ALG9: variants seen among roughly 807,000 people sequenced by gnomAD.
The protein encoded by ALG9 is alpha-1,2-mannosyltransferase ALG9.
ALG9 carries 55 observed loss-of-function variants against 81.8 expected under a neutral mutation model. The ratio of observed to expected loss-of-function variants is 0.67; its 90% confidence interval spans 0.54 to 0.84. ALG9 has a LOEUF of 0.84. ALG9 is among the 40% of genes least tolerant of loss of function. The pLI, the probability that ALG9 is intolerant of heterozygous loss-of-function variation, is 0.00. For missense variants in ALG9, 629 were observed against 745.0 expected, an observed-to-expected ratio of 0.84 and a Z score of 1.81; for synonymous variants, 278 against 274.3, an observed-to-expected ratio of 1.01 and a Z score of -0.13.
chr11:111,812,915 C>CAAAAAAAAAAAAA (rs57311061), intron 13 of ALG9, among the ~76,000 whole-genome samples: 4 of 98,768 alleles, frequency 4.0e-5, no homozygotes, highest in Admixed American at 1.1e-4. Context: ...GACTCTGTCT[C>CAAAAAAAAAAAAA]AAAAAAAAAA....
chr11:111,780,980 G>C (rs1945901538), downstream of ALG9, among the ~76,000 whole-genome samples: 1 of 152,140 alleles, frequency 6.6e-6, no homozygotes, highest in African/African-American at 2.4e-5. Flanking sequence ...GCTCAGAAAA[G>C]AATGTAATCA....
chr11:111,822,947 C>T (rs1324672439), intron 13 of ALG9, among the ~76,000 whole-genome samples: 1 of 152,062 alleles, frequency 6.6e-6, no homozygotes, highest in Non-Finnish European at 1.5e-5. Context: ...TCGCTTGAAC[C>T]CGGGAGGCGG....
intron 14 of ALG9, among the ~76,000 whole-genome samples, chr11:111,792,613 C>G (rs1316311802): frequency 6.6e-6 from 1 of 152,186 alleles, no homozygotes; most frequent in East Asian, 1.9e-4. Context: ...AAGAAACATC[C>G]TGATTTGCCA....
rs188040526 is a variant in ALG9 at position 111,836,666 on chromosome 11, C to T, written c.1473-372G>A. On this transcript the variant is annotated intron_variant, in intron 12 of 14. Transcript: ENST00000616540. ...AAAAAGAATGAAATGTAATATATGG[C>T]ACTGAGAACACACTATGGGAGAAAT... is the stretch of plus-strand genomic sequence containing the variant. 60 of 303,266 alleles carry T rather than the reference C, an allele frequency of 2.0e-4. 1 individual carries two copies. The East Asian group carries it at 4.6e-3, about 23-fold the overall frequency. The allele number at this position is 303,266 out of a possible 1,614,324, so 18.8% of individuals were successfully genotyped here. A position where few individuals can be genotyped will look rare whatever the true frequency, so the allele number is the denominator to read the frequency against.
At chr11:111,861,818 T>C (rs1435527969) in intron 4 of ALG9, among the ~76,000 whole-genome samples, 2 of 152,156 alleles carry the variant, frequency 1.3e-5, no homozygotes, top group African/African-American at 4.8e-5. Flanking sequence ...AGTCTGTATT[T>C]AGCTCTTGGT....
intron 14 of ALG9, among the ~76,000 whole-genome samples, chr11:111,806,839 C>T (rs1950000222): frequency 6.6e-6 from 1 of 152,166 alleles, no homozygotes; most frequent in African/African-American, 2.4e-5. Context: ...ATCTCTCACT[C>T]TACCCCTAAA....
chr11:111,817,065 A>G (rs1951597551), intron 13 of ALG9: 1 of 152,222 alleles, frequency 6.6e-6, no homozygotes, highest in Non-Finnish European at 1.5e-5. Flanking sequence ...GACAGGGGGA[A>G]GAGGAAGAAT....
chr11:111,848,584 C>A (rs1185938109), intron 8 of ALG9, among the ~76,000 whole-genome samples: 1 of 141,622 alleles, frequency 7.1e-6, no homozygotes, highest in Non-Finnish European at 1.5e-5. Context: ...GAGCAAAACT[C>A]CATCTCAAAA....
chr11:111,854,142 G>A (rs1206464474), intron 6 of ALG9, among the ~76,000 whole-genome samples: 1 of 142,920 alleles, frequency 7.0e-6, no homozygotes, highest in Non-Finnish European at 1.5e-5. Flanking sequence ...CTATTGCCCA[G>A]GCTGGAGTGC....
downstream of ALG9, chr11:111,782,131 A>C (rs1591744581): frequency 1.3e-5 from 2 of 152,242 alleles, no homozygotes; most frequent in African/African-American, 4.8e-5. Context: ...GAGCTCCTTC[A>C]GTTTCCAATT....
rs1441931864 is a variant in ALG9, at chr11:111,855,194, T to C, written c.702-1458A>G. Among the ~76,000 whole-genome samples the C allele has an allele frequency of 2.0e-5, 3 of 152,224 alleles. No individual in the cohort carries two copies. The East Asian group carries it at 5.8e-4, about 29-fold the overall frequency. On this transcript the variant is annotated intron_variant, in intron 6 of 14. Transcript: ENST00000616540. ...GGGTCTGCAGGCCACATATGTTCTC[T>C]GTTGCATAGTCTTCTCCCTCTGTGT...
chr11:111,791,257 A>G (rs1296550746), intron 14 of ALG9, among the ~76,000 whole-genome samples: 1 of 152,250 alleles, frequency 6.6e-6, no homozygotes, highest in African/African-American at 2.4e-5. Context: ...GAAACAGATT[A>G]TGAATGATAC....
intron 8 of ALG9, among the ~76,000 whole-genome samples, chr11:111,852,479 T>C (rs1300184407): frequency 2.0e-5 from 3 of 152,164 alleles, no homozygotes; most frequent in East Asian, 1.9e-4. Flanking sequence ...TTTTCTCTCT[T>C]AACCCTAAGC....
At chr11:111,774,594 C>T in the ALG9 span, among the ~76,000 whole-genome samples, 2 of 152,156 alleles carry the variant, frequency 1.3e-5, no homozygotes, top group African/African-American at 4.8e-5. Context: ...GCAGCATATC[C>T]ATTTGTACTT....
In ALG9 at chr11:111,784,960, A is replaced by C. The variant is rs1946316466; in HGVS notation, c.*1437T>G. The C allele has an allele frequency of 6.6e-6, 1 of 152,570 alleles. No homozygotes were observed. The highest frequency in any genetic ancestry group is 1.5e-5 in the Non-Finnish European group (1 of 68,038). The allele number at this position is 152,570 out of a possible 1,614,324, so 9.5% of individuals were successfully genotyped here. On this transcript the variant is annotated 3_prime_UTR_variant, in exon 15 of 15. Transcript: ENST00000616540. ...CACAGCACTGCTGTGCTGGTCTAAC[A>C]CACAGGCAGACTGGAGGCTCCAAAG...
intron 13 of ALG9, among the ~76,000 whole-genome samples, chr11:111,825,782 T>TCA (rs1555107764): frequency 6.6e-6 from 1 of 152,168 alleles, no homozygotes; most frequent in Non-Finnish European, 1.5e-5. Flanking sequence ...GCGCGGTGGC[T>TCA]CACACCTGTA....
At position 111,871,334 on chromosome 11, in the gene ALG9, G is replaced by A. The variant is rs1555158609; in HGVS notation, c.131+18C>T. ...CGCCCCGCCGGCCGGCCACGCCCCT[G>A]CCGCGCCGCACACGTACTCGGTCCG... On this transcript the variant is annotated intron_variant, in intron 1 of 14. Transcript: ENST00000616540. 14 of 1,465,488 alleles carry A rather than the reference G, an allele frequency of 9.6e-6. 1 individual carries two copies. In the South Asian group the frequency reaches 1.6e-4, roughly 17 times the overall value. The allele number at this position is 1,465,488 out of a possible 1,614,324, so 90.8% of individuals were successfully genotyped here.
At chr11:111,836,429 C>T in intron 12 of ALG9, 135 bp from the exon 13 acceptor site, 1 of 1,145,950 alleles carries the variant, frequency 8.7e-7, no homozygotes, top group Non-Finnish European at 1.3e-6. Context: ...AAACCTCAAC[C>T]AGGGAGCACA....
chr11:111,804,132 CAAAAAA>C (rs140492079), intron 14 of ALG9, among the ~76,000 whole-genome samples: 3 of 85,372 alleles, frequency 3.5e-5, no homozygotes, highest in Non-Finnish European at 2.3e-5. Flanking sequence ...GACTCCATCT[CAAAAAA>C]AAAAAAAAAA....
Sources: gnomAD v4.1 joint callset for allele counts (sites outside exome capture counted in the v4.1 genomes callset) on GRCh38, gnomAD v4.1.1 for gene constraint, MANE v1.5 for transcripts, NCBI Gene and HGNC (gene_info 2026-07-23, HGNC 2026-07-21) for gene names.